The following DPP10 variants were observed in gnomAD, a reference collection of about 807,000 sequenced individuals.
DPP10 encodes the protein inactive dipeptidyl peptidase 10.
Under a neutral mutation model 120.9 loss-of-function variants are expected in DPP10, and 33 were observed. That is an observed-to-expected ratio of 0.27 (90% CI 0.21 to 0.37). The LOEUF is 0.37. DPP10 is among the 10% of genes least tolerant of loss of function. DPP10 has a pLI of 1.00. For synonymous variants in DPP10, 337 were observed against 326.1 expected, an observed-to-expected ratio of 1.03 and a Z score of -0.36; for missense variants, 816 against 942.8, an observed-to-expected ratio of 0.87 and a Z score of 1.76.
At chr2:114,726,731 A>G (rs1702073588) in intron 1 of DPP10, among the ~76,000 whole-genome samples, 1 of 152,246 alleles carries the variant, frequency 6.6e-6, no homozygotes, top group African/African-American at 2.4e-5. Context: ...TTTAACATCA[A>G]CTGAATGCCC....
intron 1 of DPP10, among the ~76,000 whole-genome samples, chr2:114,552,105 A>G (rs759034691): frequency 6.6e-6 from 1 of 152,204 alleles, no homozygotes; most frequent in African/African-American, 2.4e-5. Flanking sequence ...TGGAAGGAAC[A>G]TGGATTTTGG....
intron 1 of DPP10, among the ~76,000 whole-genome samples, chr2:115,102,710 T>TG (rs1417139576): frequency 2.0e-5 from 3 of 150,674 alleles, no homozygotes; most frequent in African/African-American, 7.3e-5. Flanking sequence ...CGCCCGGCCA[T>TG]GGGGGAGTTT....
At chr2:115,180,564 G>T (rs1012600314) in intron 1 of DPP10, among the ~76,000 whole-genome samples, 3 of 152,126 alleles carry the variant, frequency 2.0e-5, no homozygotes, top group Admixed American at 1.3e-4. Context: ...AGGAAGTCAG[G>T]ATTCCCTTGA....
intron 1 of DPP10, among the ~76,000 whole-genome samples, chr2:115,275,446 A>C (rs1288191582): frequency 2.0e-5 from 3 of 152,296 alleles, no homozygotes; most frequent in Admixed American, 2.0e-4. Context: ...GCACGTTGCA[A>C]AAATCTTTGA....
chr2:115,468,251 G>C, intron 3 of DPP10: 1 of 508,500 alleles, frequency 2.0e-6, no homozygotes, highest in East Asian at 5.6e-5. Context: ...TCGTGTCATT[G>C]TTGCCATTGA....
At chr2:114,781,875 C>T (rs148751657) in intron 1 of DPP10, among the ~76,000 whole-genome samples, 268 of 152,236 alleles carry the variant, frequency 1.8e-3, no homozygotes, top group African/African-American at 6.2e-3. Flanking sequence ...TTTGTCTCTC[C>T]TCACATGCAT....
intron 1 of DPP10, among the ~76,000 whole-genome samples, chr2:114,472,827 G>T (rs1306452716): frequency 6.6e-6 from 1 of 152,304 alleles, no homozygotes; most frequent in East Asian, 1.9e-4. Flanking sequence ...GCTGAAGCTG[G>T]TTCACAGAAG....
At chr2:114,626,617 A>G (rs762433994) in intron 1 of DPP10, among the ~76,000 whole-genome samples, 59 of 152,164 alleles carry the variant, frequency 3.9e-4, no homozygotes, top group Middle Eastern at 3.4e-3. Context: ...CTAGAAGCAG[A>G]TCTAGTTTGA....
At chr2:114,867,587 C>T (rs986101192) in intron 1 of DPP10, among the ~76,000 whole-genome samples, 10 of 152,098 alleles carry the variant, frequency 6.6e-5, no homozygotes, top group African/African-American at 9.7e-5. Flanking sequence ...ATTGCAATTA[C>T]GAGCCTTGGC....
rs139336345 is a variant in DPP10 at position 115,613,519 on chromosome 2, C to T, written c.442-76168C>T. Among the ~76,000 whole-genome samples the T allele has an allele frequency of 6.6e-5, 10 of 152,294 alleles. No individual in the cohort carries two copies. In the East Asian group the frequency reaches 1.4e-3, roughly 21 times the overall value. ...GTCTGACATCACTACTGCCTCTCCA[C>T]GATGTAAAATCTGCACTGTGATTCA... is the stretch of plus-strand genomic sequence containing the variant. On this transcript the variant is annotated intron_variant, in intron 5 of 25. Transcript: ENST00000410059.
chr2:114,510,634 C>A (rs1182327186), intron 1 of DPP10, among the ~76,000 whole-genome samples: 1 of 151,910 alleles, frequency 6.6e-6, no homozygotes, highest in Non-Finnish European at 1.5e-5. Flanking sequence ...AAAAAACAAA[C>A]AAAAATCCTA....
chr2:115,069,158 G>A (rs760061674), intron 1 of DPP10, among the ~76,000 whole-genome samples: 5 of 151,976 alleles, frequency 3.3e-5, no homozygotes, highest in Non-Finnish European at 7.4e-5. Flanking sequence ...TAACAATATA[G>A]ATTCTTCCAA....
In DPP10 at chr2:114,903,696, G is replaced by A. The variant is rs114620944; in HGVS notation, c.61-405543G>A. Reference sequence around the variant, plus strand: ...TGAAGCCCTAACCATCATTGTGACTGTATTTGGAGATGGTGTCTTTGGGAG... The same window carrying A: ...TGAAGCCCTAACCATCATTGTGACTATATTTGGAGATGGTGTCTTTGGGAG... On this transcript the variant is annotated intron_variant, in intron 1 of 25. Coordinates refer to ENST00000410059, the MANE Select transcript of DPP10 (RefSeq NM_020868.6). 3.2e-3 allele frequency among the ~76,000 whole-genome samples: 487 copies of A among 152,312 alleles called. 5 individuals carry two copies. Among genetic ancestry groups the A allele is most frequent in the African/African-American group, 0.011 (464 of 41,572 alleles).
At chr2:115,708,653 A>G (rs773103041) in intron 7 of DPP10, among the ~76,000 whole-genome samples, 11 of 152,004 alleles carry the variant, frequency 7.2e-5, no homozygotes, top group Non-Finnish European at 1.2e-4. Context: ...AATTTTCACC[A>G]TCTTCTAACC....
chr2:115,559,963 G>A lies in DPP10; in HGVS notation c.441+33991G>A, dbSNP rs1315757735. Among the ~76,000 whole-genome samples the A allele has an allele frequency of 3.9e-5, 6 of 152,104 alleles. No individual in the cohort carries two copies. The East Asian group carries it at 1.2e-3, about 29-fold the overall frequency. ...AATCCTGATTTTACTCTAACTGTGG[G>A]TACTTACATATGAATCTACAGAGAA... is the stretch of plus-strand genomic sequence containing the variant. On this transcript the variant is annotated intron_variant, in intron 5 of 25. Coordinates refer to ENST00000410059, the MANE Select transcript of DPP10 (RefSeq NM_020868.6).
intron 1 of DPP10, among the ~76,000 whole-genome samples, chr2:115,032,370 C>T (rs1703900977): frequency 6.6e-6 from 1 of 152,082 alleles, no homozygotes; most frequent in African/African-American, 2.4e-5. Flanking sequence ...TCATAATTCT[C>T]TTAAGACTGT....
intron 5 of DPP10, among the ~76,000 whole-genome samples, chr2:115,603,560 G>GTTTTTTTTTTTTTTTTTTTTTTTTT (rs10637786): frequency 7.9e-6 from 1 of 126,428 alleles, no homozygotes. Context: ...CGTTGTTGTT[G>GTTTTTTTTTTTTTTTTTTTTTTTTT]TTTTTTTTTG....
At chr2:115,495,770 A>G (rs368812119) in intron 3 of DPP10, among the ~76,000 whole-genome samples, 10 of 152,184 alleles carry the variant, frequency 6.6e-5, no homozygotes, top group African/African-American at 2.4e-4. Context: ...TAGTGATTCT[A>G]TTCTGCCATA....
At chr2:114,746,880 A>G (rs906597623) in intron 1 of DPP10, among the ~76,000 whole-genome samples, 2 of 152,206 alleles carry the variant, frequency 1.3e-5, no homozygotes, top group Non-Finnish European at 2.9e-5. Flanking sequence ...TAAGCATAAA[A>G]TGGATAAAAA....
Sources: allele counts gnomAD v4.1 joint callset (sites outside exome capture counted in the v4.1 genomes callset), GRCh38; gene constraint gnomAD v4.1.1; transcripts MANE v1.5; gene names NCBI Gene and HGNC (gene_info 2026-07-23, HGNC 2026-07-21).